UGCG: variants seen among roughly 807,000 people sequenced by gnomAD.
UGCG encodes UDP-glucose ceramide glucosyltransferase.
Under a neutral mutation model 49.5 loss-of-function variants are expected in UGCG, and 10 were observed. The ratio of observed to expected loss-of-function variants is 0.20; its 90% CI spans 0.12 to 0.34. The LOEUF (loss-of-function observed/expected upper bound fraction) is 0.34. Among genes scored for constraint, UGCG ranks in the 10% least tolerant of loss-of-function variants. UGCG has a pLI of 1.00. For missense variants in UGCG, 312 were observed against 483.7 expected, an observed-to-expected ratio of 0.65 and a Z score of 3.33; for synonymous variants, 182 against 158.2, an observed-to-expected ratio of 1.15 and a Z score of -1.13.
rs185795903 is a variant in UGCG at position 111,933,274 on chromosome 9, A to T, written c.*277A>T. ...GTTCATCATTGTTGTTTATTTTTTT[A>T]AAATAAATAAATAAATATATATATA... is the stretch of plus-strand genomic sequence containing the variant. On this transcript the variant is annotated 3_prime_UTR_variant, in exon 9 of 9. Transcript: ENST00000374279. The T allele has an allele frequency of 0.018, 2,998 of 163,190 alleles. 86 individuals are homozygous for T. The highest frequency in any genetic ancestry group is 0.067 in the African/African-American group (2,821 of 41,846). 10.1% of individuals were successfully genotyped at this position (163,190 alleles called of 1,614,324 possible).
At chr9:111,924,722 T>C in intron 3 of UGCG, 55 bp from the exon 4 acceptor site, 1 of 917,520 alleles carries the variant, frequency 1.1e-6, no homozygotes, top group African/African-American at 1.8e-5. Flanking sequence ...CTTTATACTA[T>C]AAAATATTTT....
intron 4 of UGCG, among the ~76,000 whole-genome samples, chr9:111,925,915 A>G (rs1838305225): frequency 6.6e-6 from 1 of 152,210 alleles, no homozygotes; most frequent in African/African-American, 2.4e-5. Flanking sequence ...TTTTCAGTGT[A>G]CAGATCTCTG....
rs1838420238 is a variant in UGCG at position 111,931,261 on chromosome 9, T to G, written c.738-10T>G. 1 of 1,613,008 alleles carries G rather than the reference T, an allele frequency of 6.2e-7. No individual in the cohort carries two copies. The highest frequency in any genetic ancestry group is 1.1e-5 in the South Asian group (1 of 90,964). ...ATCATAACTTATTTTCTAATTATCTTAATTTTCAGAGGTTGGAGGTTTGCA... is the reference window on the plus strand; with the variant it reads ...ATCATAACTTATTTTCTAATTATCTGAATTTTCAGAGGTTGGAGGTTTGCA... On this transcript the variant is annotated splice_polypyrimidine_tract_variant and intron_variant, in intron 6 of 8. Transcript: ENST00000374279.
Position 111,932,899 on chromosome 9 carries a change from A to G in UGCG, c.1087A>G (p.Ile363Val), listed in dbSNP as rs1838453290. Residue 363 changes from isoleucine (I) to valine (V), a missense_variant, in exon 9 of 9, where the codon ATT becomes GTT. Physicochemically the swap from Ile to Val is conservative, Grantham distance 29. Coordinates refer to ENST00000374279, the MANE Select transcript of UGCG (RefSeq NM_003358.3). Reference sequence around the variant, plus strand: ...CATCCGCGAATCCATGACAATATACATTTTTTTGTCTGCATTATGGGACCC... The same window carrying G: ...CATCCGCGAATCCATGACAATATACGTTTTTTTGTCTGCATTATGGGACCC... Reference protein sequence around the residue: ...WFIRESMTIYIFLSALWDPTI... With the variant: ...WFIRESMTIYVFLSALWDPTI... 6.2e-7 allele frequency: 1 copy of G among 1,612,334 alleles called. No homozygotes were observed. The highest frequency in any genetic ancestry group is 1.7e-5 in the Admixed American group (1 of 59,862).
At position 111,932,832 on chromosome 9, in the gene UGCG, C is replaced by A; in HGVS notation, c.1020C>A (p.Gly340=). The A allele has an allele frequency of 6.3e-7, 1 of 1,591,844 alleles. No homozygotes were observed. The highest frequency in any genetic ancestry group is 8.6e-7 in the Non-Finnish European group (1 of 1,168,222). The change falls in exon 9 of 9, where the codon GGC becomes GGA. Residue 340 remains glycine (G), a synonymous_variant. Coordinates refer to ENST00000374279, the MANE Select transcript of UGCG (RefSeq NM_003358.3). ...ATTTTTTTTTCCATTCCTAGGGTGG[C>A]ACACTGTGTTTTTCAAAACTTGATT... ...DYIQLRGVQG[G]TLCFSKLDYA...
rs532212624 is a variant in UGCG, at chr9:111,900,142, G to A, written c.98+2829G>A. On this transcript the variant is annotated intron_variant, in intron 1 of 8. Transcript: ENST00000374279. The stretch of plus-strand genomic sequence containing the variant: ...TTAATTTTTTTTTTTTTTTTTAATG[G>A]TAAGTGCTAGTGTGGCTTGATAGGT... 1.3e-3 allele frequency among the ~76,000 whole-genome samples: 184 copies of A among 146,406 alleles called. 2 individuals carry two copies. Among genetic ancestry groups the A allele is most frequent in the Non-Finnish European group, 2.0e-3 (134 of 67,052 alleles).
chr9:111,921,442 G>A (rs895757568), intron 2 of UGCG, among the ~76,000 whole-genome samples: 1 of 151,972 alleles, frequency 6.6e-6, no homozygotes, highest in African/African-American at 2.4e-5. Context: ...CCAAGGTCAC[G>A]AGTTTGAGAC....
rs115837142 is a variant in UGCG, at chr9:111,901,514, G to A, written c.98+4201G>A. ...TACGGAATTAGACTATAGTGTGATA[G>A]CTTTAAAGAACAAAGTGAGGGGCAG... On this transcript the variant is annotated intron_variant, in intron 1 of 8. Transcript: ENST00000374279. 3.0e-3 allele frequency among the ~76,000 whole-genome samples: 457 copies of A among 152,236 alleles called. 4 individuals are homozygous for A. The highest frequency in any genetic ancestry group is 0.01 in the African/African-American group (436 of 41,540).
In UGCG at chr9:111,920,813, C is replaced by A. The variant is rs192408160; in HGVS notation, c.241-2036C>A. Among the ~76,000 whole-genome samples the A allele has an allele frequency of 1.8e-3, 267 of 152,216 alleles. 1 individual carries two copies. Among genetic ancestry groups the A allele is most frequent in the African/African-American group, 5.9e-3 (246 of 41,550 alleles). On this transcript the variant is annotated intron_variant, in intron 2 of 8. Transcript: ENST00000374279. ...AGTAAATATAACAGACTTTGTCGTT[C>A]TCTTGAGTTAGTTAGCTTTGTTATG...
In UGCG at chr9:111,932,368, A is replaced by T; in HGVS notation, c.1014+9A>T. 6.2e-7 allele frequency: 1 copy of T among 1,609,662 alleles called. No individual in the cohort carries two copies. Among genetic ancestry groups the T allele is most frequent in the Non-Finnish European group, 8.5e-7 (1 of 1,177,434 alleles). ...AACTCAGGGGTGTCCAGGTATGTGG[A>T]TAGGCATGAAAAGGTTGGCAGTCCC... is the stretch of plus-strand genomic sequence containing the variant. On this transcript the variant is annotated intron_variant, in intron 8 of 8. Coordinates refer to ENST00000374279, the MANE Select transcript of UGCG (RefSeq NM_003358.3).
chr9:111,922,496 C>G (rs912039712), intron 2 of UGCG, among the ~76,000 whole-genome samples: 1 of 152,152 alleles, frequency 6.6e-6, no homozygotes, highest in Non-Finnish European at 1.5e-5. Context: ...CTGCTAGGCA[C>G]CCTGTGAGCA....
intron 3 of UGCG, 112 bp downstream of exon 3, chr9:111,923,063 G>T: frequency 1.5e-6 from 1 of 649,834 alleles, no homozygotes; most frequent in Non-Finnish European, 2.5e-6. Flanking sequence ...AAACATGTTT[G>T]TTGGAGTACT....
intron 1 of UGCG, among the ~76,000 whole-genome samples, chr9:111,898,580 T>C (rs1837709796): frequency 6.6e-6 from 1 of 152,154 alleles, no homozygotes. Flanking sequence ...GTTTTTGGAG[T>C]TGGTGAGCTT....
intron 7 of UGCG, 77 bp from the exon 8 acceptor site, chr9:111,932,093 T>G: frequency 6.9e-7 from 1 of 1,446,094 alleles, no homozygotes; most frequent in Non-Finnish European, 9.4e-7. Flanking sequence ...AAAAAATTGA[T>G]TATTTGAGGG....
At chr9:111,930,731 G>A (rs762920682) in intron 6 of UGCG, among the ~76,000 whole-genome samples, 20 of 152,154 alleles carry the variant, frequency 1.3e-4, no homozygotes, top group Non-Finnish European at 2.6e-4. Flanking sequence ...GCCTCCCAAA[G>A]TGCTGGGATT....
chr9:111,932,540 A>G (rs374632383), intron 8 of UGCG, among the ~76,000 whole-genome samples, 181 bp downstream of exon 8: 126 of 152,332 alleles, frequency 8.3e-4, no homozygotes, highest in Non-Finnish European at 1.5e-3. Context: ...TCGATTTGCA[A>G]CTTTCTATTG....
chr9:111,932,491 C>T (rs963072690), intron 8 of UGCG, 132 bp downstream of exon 8: 5 of 972,954 alleles, frequency 5.1e-6, no homozygotes, highest in Non-Finnish European at 4.4e-6. Context: ...CGGGTTTGAA[C>T]ATGACTTTCT....
At chr9:111,909,669 A>G (rs1009971990) in intron 1 of UGCG, among the ~76,000 whole-genome samples, 5 of 152,244 alleles carry the variant, frequency 3.3e-5, no homozygotes, top group African/African-American at 9.6e-5. Flanking sequence ...AGTGACTGCA[A>G]AGCAGTCATG....
At chr9:111,932,044 A>T (rs753220945) in intron 7 of UGCG, 126 bp from the exon 8 acceptor site, 5 of 1,085,416 alleles carry the variant, frequency 4.6e-6, no homozygotes, top group South Asian at 1.6e-5. Flanking sequence ...AAACAAAACA[A>T]AAAAAGTTTA....
Sources: allele counts gnomAD v4.1 joint callset (sites outside exome capture counted in the v4.1 genomes callset), GRCh38; gene constraint gnomAD v4.1.1; transcripts MANE v1.5; gene names NCBI Gene and HGNC (gene_info 2026-07-23, HGNC 2026-07-21).